Variants in DOCK9 observed in about 807,000 individuals in gnomAD.
DOCK9 encodes dedicator of cytokinesis 9.
DOCK9 carries 89 observed loss-of-function variants against 263.3 expected under a neutral mutation model. The ratio of observed to expected loss-of-function variants is 0.34; its 90% CI spans 0.28 to 0.40. DOCK9 has a LOEUF of 0.40. Among genes scored for constraint, DOCK9 ranks in the 10% least tolerant of loss-of-function variants. DOCK9 has a pLI of 1.00. For missense variants in DOCK9, 2,140 were observed against 2,603.4 expected, an observed-to-expected ratio of 0.82 and a Z score of 3.87; for synonymous variants, 976 against 973.1, an observed-to-expected ratio of 1.00 and a Z score of -0.06.
At chr13:99,032,334 G>T (rs561336332) in intron 1 of DOCK9, among the ~76,000 whole-genome samples, 122 of 152,162 alleles carry the variant, frequency 8.0e-4, no homozygotes, top group Middle Eastern at 3.4e-3. Flanking sequence ...AAATTAGCCA[G>T]AAGTGGCGGC....
At chr13:98,956,506 G>T (rs1446081797) in intron 1 of DOCK9, among the ~76,000 whole-genome samples, 3 of 152,190 alleles carry the variant, frequency 2.0e-5, no homozygotes, top group Non-Finnish European at 4.4e-5. Context: ...TCAGCACTTT[G>T]AGGGCCGAGA....
intron 49 of DOCK9, among the ~76,000 whole-genome samples, chr13:98,803,133 T>C (rs1454475158): frequency 6.6e-6 from 1 of 152,172 alleles, no homozygotes; most frequent in African/African-American, 2.4e-5. Context: ...CCCACAGCTG[T>C]GGACGGCAAT....
intron 1 of DOCK9, among the ~76,000 whole-genome samples, chr13:98,985,405 C>T (rs1878221809): frequency 6.6e-6 from 1 of 151,970 alleles, no homozygotes; most frequent in Non-Finnish European, 1.5e-5. Flanking sequence ...ACCTTCCCTA[C>T]CCGCAGGTAG....
At chr13:98,966,094 C>T (rs1479416207) in intron 1 of DOCK9, among the ~76,000 whole-genome samples, 1 of 152,254 alleles carries the variant, frequency 6.6e-6, no homozygotes, top group Non-Finnish European at 1.5e-5. Flanking sequence ...CGCCTGCCGT[C>T]GTCAGCTGTG....
At chr13:98,894,040 G>C (rs773433658) in intron 15 of DOCK9, among the ~76,000 whole-genome samples, 13 of 152,084 alleles carry the variant, frequency 8.5e-5, no homozygotes, top group Non-Finnish European at 1.6e-4. Flanking sequence ...GTTTTCCCTG[G>C]GCTCCTTTCT....
At chr13:99,040,779 G>A (rs546398779) in intron 1 of DOCK9, among the ~76,000 whole-genome samples, 20 of 152,286 alleles carry the variant, frequency 1.3e-4, no homozygotes, top group African/African-American at 4.8e-4. Context: ...GGATGTATTT[G>A]ACCAACCCCT....
At chr13:98,979,187 T>TAGC (rs1184277989), upstream of DOCK9, among the ~76,000 whole-genome samples, 1 of 113,026 alleles carries the variant, frequency 8.8e-6, no homozygotes, top group Non-Finnish European at 1.8e-5. Flanking sequence ...GCAATAGTAG[T>TAGC]AGTAGTAGTA....
chr13:98,800,465 G>A lies in DOCK9; in HGVS notation c.5739C>T (p.Phe1913=), dbSNP rs754768904. 2.5e-6 allele frequency: 4 copies of A among 1,614,000 alleles called. No individual in the cohort carries two copies. The highest frequency in any genetic ancestry group is 3.4e-6 in the Non-Finnish European group (4 of 1,179,866). Residue 1913 remains phenylalanine (F), a synonymous_variant, in exon 50 of 53, where the codon TTC becomes TTT. Coordinates refer to ENST00000682017, the MANE Select transcript of DOCK9 (RefSeq NM_001366683.2). ...CAGGGATGCGCTTCTTCACATAAGGGAAGCAGTGTATGGCTGCAGAGGGTA... is the reference window on the plus strand; with the variant it reads ...CAGGGATGCGCTTCTTCACATAAGGAAAGCAGTGTATGGCTGCAGAGGGTA... ...RRTILTAIHC[F]PYVKKRIPVM...
chr13:98,883,943 T>C (rs1378726262), intron 21 of DOCK9, 44 bp from the exon 22 acceptor site: 5 of 1,434,322 alleles, frequency 3.5e-6, no homozygotes, highest in African/African-American at 1.4e-5. Context: ...AGATTAGTTA[T>C]TTTGGCTCTA....
At chr13:98,960,364 C>T (rs1364662282) in intron 1 of DOCK9, among the ~76,000 whole-genome samples, 1 of 152,164 alleles carries the variant, frequency 6.6e-6, no homozygotes, top group Non-Finnish European at 1.5e-5. Context: ...CTGGCTGACT[C>T]CCAAGCCTAT....
At chr13:98,831,285 G>C in intron 41 of DOCK9, 63 bp downstream of exon 41, 1 of 1,495,152 alleles carries the variant, frequency 6.7e-7, no homozygotes, top group Non-Finnish European at 9.0e-7. Context: ...GATACTCAAA[G>C]TTTTCCTGAT....
intron 18 of DOCK9, among the ~76,000 whole-genome samples, 196 bp downstream of exon 18, chr13:98,887,962 A>T (rs2046043910): frequency 6.6e-6 from 1 of 152,176 alleles, no homozygotes; most frequent in African/African-American, 2.4e-5. Context: ...AAAACAGTCA[A>T]TTAGGAGCCA....
At chr13:99,084,729 C>G (rs1263679913) in intron 1 of DOCK9, among the ~76,000 whole-genome samples, 1 of 152,228 alleles carries the variant, frequency 6.6e-6, no homozygotes, top group African/African-American at 2.4e-5. Context: ...ACTTTATTTA[C>G]TCTTCTTCTG....
Position 99,003,405 on chromosome 13 carries a change from T to C in DOCK9, c.130-47854A>G, listed in dbSNP as rs565322858. ...TTGGCTCTTTGCCTTCTGAATACGC[T>C]CACCAGGAGATCTCATCCCCTTCCA... On this transcript the variant is annotated intron_variant, in intron 1 of 32. Transcript: ENST00000427887. Among the ~76,000 whole-genome samples, 8 of 152,274 alleles carry C rather than the reference T, an allele frequency of 5.3e-5. No homozygotes were observed. In the South Asian group the frequency reaches 1.7e-3, roughly 32 times the overall value.
At chr13:98,987,128 T>A (rs917133702) in intron 1 of DOCK9, among the ~76,000 whole-genome samples, 1 of 152,160 alleles carries the variant, frequency 6.6e-6, no homozygotes, top group African/African-American at 2.4e-5. Context: ...CCAAATAACT[T>A]TCAAATTGCT....
At chr13:98,997,300 C>T (rs1036264117) in intron 1 of DOCK9, among the ~76,000 whole-genome samples, 3 of 152,188 alleles carry the variant, frequency 2.0e-5, no homozygotes, top group African/African-American at 4.8e-5. Context: ...AGGCAGGGTT[C>T]GCCCACCCCA....
chr13:98,854,164 C>A (rs16955958), intron 34 of DOCK9, among the ~76,000 whole-genome samples: 1 of 151,888 alleles, frequency 6.6e-6, no homozygotes, highest in Non-Finnish European at 1.5e-5. Context: ...ACACTGCAAA[C>A]GTCAGAAAGC....
intron 48 of DOCK9, among the ~76,000 whole-genome samples, chr13:98,806,769 C>T (rs1410015994): frequency 4.6e-5 from 7 of 152,072 alleles, no homozygotes; most frequent in East Asian, 1.9e-4. Flanking sequence ...ATTAGCCAGG[C>T]GTGGTGGCGC....
chr13:98,984,097 C>T (rs963766070), intron 1 of DOCK9, among the ~76,000 whole-genome samples: 3 of 152,114 alleles, frequency 2.0e-5, no homozygotes, highest in African/African-American at 7.2e-5. Flanking sequence ...TAAAGAAAGG[C>T]CAAGGGAGTT....
Sources: gnomAD v4.1 joint callset for allele counts (sites outside exome capture counted in the v4.1 genomes callset) on GRCh38, gnomAD v4.1.1 for gene constraint, MANE v1.5 for transcripts, NCBI Gene and HGNC (gene_info 2026-07-23, HGNC 2026-07-21) for gene names.